Variants in MAST4 observed in about 807,000 individuals in gnomAD.
The protein encoded by MAST4 is microtubule-associated serine/threonine-protein kinase 4.
A neutral mutation model predicts 162.7 loss-of-function variants in MAST4; 89 were observed. That is an observed-to-expected ratio of 0.55 (90% CI 0.46 to 0.65). MAST4 has a LOEUF of 0.65. MAST4 is among the 30% of genes least tolerant of loss of function. The pLI is 0.00. For missense variants in MAST4, 3,153 were observed against 3,374.0 expected (o/e 0.93, Z 1.62); for synonymous variants, 1,479 against 1,361.1 (o/e 1.09, Z -1.91).
At chr5:66,722,634 A>G (rs1225983134) in intron 1 of MAST4, among the ~76,000 whole-genome samples, 2 of 152,200 alleles carry the variant, frequency 1.3e-5, no homozygotes, top group East Asian at 3.8e-4. Context: ...GAACTCAATG[A>G]ATATTTGTCA....
chr5:66,932,209 C>T (rs1742264987), intron 4 of MAST4, among the ~76,000 whole-genome samples: 1 of 152,134 alleles, frequency 6.6e-6, no homozygotes, highest in Admixed American at 6.6e-5. Flanking sequence ...ATGCCAAAAC[C>T]TTATCAGTTT....
At chr5:66,634,843 C>T (rs1580057775) in intron 1 of MAST4, among the ~76,000 whole-genome samples, 2 of 152,350 alleles carry the variant, frequency 1.3e-5, no homozygotes, top group African/African-American at 4.8e-5. Flanking sequence ...GCGGCCCAAC[C>T]AGGCCCAATA....
In MAST4 at chr5:67,160,580, A is replaced by T. The variant is rs1168946517; in HGVS notation, c.3773A>T (p.Glu1258Val). Residue 1258 changes from glutamate (E) to valine (V), a missense_variant, in exon 27 of 29, where the codon GAA becomes GTA. Around this residue, in one of 7 missense-constraint regions of MAST4, gnomAD observed 619 missense variants for 744.2 expected, o/e 0.83. Coordinates refer to ENST00000403625, the MANE Select transcript of MAST4 (RefSeq NM_001164664.2). ...CGGAGCAAGAAATCCAAGAAGAAAG[A>T]AAGTCTCGAAAGGTTAGTAAAATCA... ...VRRSKKSKKKESLERRRSLFK... is the reference protein window; with the variant it reads ...VRRSKKSKKKVSLERRRSLFK... 15 of 1,613,582 alleles carry T rather than the reference A, an allele frequency of 9.3e-6. No individual in the cohort carries two copies. The highest frequency in any genetic ancestry group is 2.2e-5 in the East Asian group (1 of 44,882).
At chr5:67,138,123 A>G (rs1477218372) in intron 19 of MAST4, among the ~76,000 whole-genome samples, 1 of 152,222 alleles carries the variant, frequency 6.6e-6, no homozygotes, top group Non-Finnish European at 1.5e-5. Context: ...GACCCTGGAC[A>G]GGTTACTTCT....
intron 4 of MAST4, among the ~76,000 whole-genome samples, chr5:66,956,461 T>C (rs977645438): frequency 6.6e-6 from 1 of 152,160 alleles, no homozygotes; most frequent in Non-Finnish European, 1.5e-5. Flanking sequence ...AATTTTGATA[T>C]TTTACGACCG....
intron 2 of MAST4, among the ~76,000 whole-genome samples, chr5:66,766,494 A>ATT (rs1328085268): frequency 6.6e-6 from 1 of 152,032 alleles, no homozygotes; most frequent in Non-Finnish European, 1.5e-5. Context: ...ACGTCTGAAA[A>ATT]TTTTTAAAAC....
chr5:67,166,093 C>T lies in MAST4; in HGVS notation c.6914C>T (p.Pro2305Leu), dbSNP rs926108775. 1 of 1,612,642 alleles carries T rather than the reference C, an allele frequency of 6.2e-7. No individual in the cohort carries two copies. The highest frequency in any genetic ancestry group is 8.5e-7 in the Non-Finnish European group (1 of 1,179,370). ...GTGCTGGAGAAGCCTGTGCATTTGC[C>T]AAGGCCGGGACACCCAGGGCCTAGT... The part of the protein sequence containing the change: ...LEVLEKPVHL[P>L]RPGHPGPSEP... Residue 2305 changes from proline to leucine, a missense_variant, in exon 29 of 29, where the codon CCA (proline) becomes CTA (leucine). Around this residue, in one of 7 missense-constraint regions of MAST4, gnomAD observed 1,644 missense variants for 1,495.0 expected, o/e 1.10. Coordinates refer to ENST00000403625, the MANE Select transcript of MAST4 (RefSeq NM_001164664.2).
chr5:66,897,663 G>T (rs1056213767), intron 3 of MAST4, among the ~76,000 whole-genome samples: 1 of 152,170 alleles, frequency 6.6e-6, no homozygotes, highest in Non-Finnish European at 1.5e-5. Context: ...CTTGGTTAGC[G>T]TGGTAGCTTC....
At chr5:66,710,246 G>C (rs185604421) in intron 1 of MAST4, among the ~76,000 whole-genome samples, 23 of 152,170 alleles carry the variant, frequency 1.5e-4, no homozygotes, top group Non-Finnish European at 1.9e-4. Context: ...GCAATATTTG[G>C]TTTTCCAGAT....
chr5:66,702,537 G>A (rs1282801226), intron 1 of MAST4, among the ~76,000 whole-genome samples: 3 of 152,104 alleles, frequency 2.0e-5, no homozygotes, highest in African/African-American at 2.4e-5. Context: ...AAGGCCTTTC[G>A]GTTAGGGTAA....
At chr5:67,146,897 T>C (rs1281204552) in intron 23 of MAST4, among the ~76,000 whole-genome samples, 1 of 152,180 alleles carries the variant, frequency 6.6e-6, no homozygotes, top group Non-Finnish European at 1.5e-5. Flanking sequence ...ATCTTGGTAT[T>C]TTCTATTCCT....
chr5:66,820,963 C>G (rs546070016), intron 3 of MAST4, among the ~76,000 whole-genome samples: 1 of 152,102 alleles, frequency 6.6e-6, no homozygotes, highest in African/African-American at 2.4e-5. Flanking sequence ...ATGCATGTTA[C>G]GTTGTAGAAA....
In MAST4 at chr5:67,045,830, G is replaced by A. The variant is rs184403121; in HGVS notation, c.675-8574G>A. On this transcript the variant is annotated intron_variant, in intron 4 of 28. Coordinates refer to ENST00000403625, the MANE Select transcript of MAST4 (RefSeq NM_001164664.2). ...TAAAATAACACAAGCTATTAATTGT[G>A]TATACATTGTTATTTCTGTCATAAA... 6.6e-5 allele frequency among the ~76,000 whole-genome samples: 10 copies of A among 152,296 alleles called. No homozygotes were observed. In the East Asian group the frequency reaches 1.9e-3, roughly 29 times the overall value.
At chr5:67,057,629 G>GAAAAGAAAAGAAAAGAA (rs1759014092) in intron 5 of MAST4, among the ~76,000 whole-genome samples, 1 of 148,774 alleles carries the variant, frequency 6.7e-6, no homozygotes, top group African/African-American at 2.5e-5. Context: ...GAAAAGAAAA[G>GAAAAGAAAAGAAAAGAA]AAGGCATAGA....
intron 4 of MAST4, among the ~76,000 whole-genome samples, chr5:67,005,531 C>T (rs1751924375): frequency 6.6e-6 from 1 of 152,152 alleles, no homozygotes; most frequent in South Asian, 2.1e-4. Flanking sequence ...GCAAGGATAG[C>T]CCAGGTTAGC....
chr5:66,844,139 C>CTGTGTGTG lies in MAST4; in HGVS notation c.642+55397_642+55404dup, dbSNP rs59568297. Among the ~76,000 whole-genome samples the CTGTGTGTG allele has an allele frequency of 4.3e-3, 450 of 104,540 alleles. 7 individuals are homozygous for CTGTGTGTG. Among genetic ancestry groups the CTGTGTGTG allele is most frequent in the Middle Eastern group, 0.01 (2 of 196 alleles). The allele number at this position is 104,540 out of a possible 152,430, so 68.6% of individuals were successfully genotyped here. Reference sequence around the variant, plus strand: ...TCTTTAACAGCTGGTCCCAGTCAGCCTGTGTGTGTGTGTGTGTGTGTGTGT... The same window carrying CTGTGTGTG: ...TCTTTAACAGCTGGTCCCAGTCAGCCTGTGTGTGTGTGTGTGTGTGTGTGTGTGTGTGT... On this transcript the variant is annotated intron_variant, in intron 3 of 28. Coordinates refer to ENST00000403625, the MANE Select transcript of MAST4 (RefSeq NM_001164664.2).
At chr5:66,917,299 T>C (rs1011632972) in intron 4 of MAST4, 3 of 370,008 alleles carry the variant, frequency 8.1e-6, no homozygotes, top group Non-Finnish European at 1.5e-5. Flanking sequence ...GTAGTGTTTT[T>C]CTTTTTCAGT....
intron 4 of MAST4, among the ~76,000 whole-genome samples, chr5:67,012,658 G>A (rs1207107612): frequency 6.6e-6 from 1 of 152,036 alleles, no homozygotes; most frequent in Admixed American, 6.6e-5. Context: ...GTGATAATGT[G>A]GTACATTTTG....
intron 4 of MAST4, among the ~76,000 whole-genome samples, chr5:66,941,085 T>G (rs1743310650): frequency 6.6e-6 from 1 of 152,168 alleles, no homozygotes; most frequent in Admixed American, 6.6e-5. Context: ...TGTGAACAGA[T>G]ATGCTGTCAT....
Sources: gnomAD v4.1 joint callset for allele counts (sites outside exome capture counted in the v4.1 genomes callset) on GRCh38, gnomAD v4.1.1 for gene constraint, gnomAD v4.1.1 regional missense constraint, MANE v1.5 for transcripts, NCBI Gene and HGNC (gene_info 2026-07-23, HGNC 2026-07-21) for gene names.